The following MLLT3 variants were observed in gnomAD, a reference collection of about 807,000 sequenced individuals.
MLLT3 encodes the protein protein AF-9.
Under a neutral mutation model 53.2 loss-of-function variants are expected in MLLT3, and 4 were observed. The observed-to-expected ratio is 0.08, with a 90% CI of 0.04 to 0.17. The LOEUF is 0.17. Ranked by LOEUF, MLLT3 falls within the 10% of genes least tolerant of loss-of-function variation. The pLI is 1.00. For missense variants in MLLT3, 569 were observed against 684.0 expected (o/e 0.83, Z 1.87); for synonymous variants, 283 against 230.6 (o/e 1.23, Z -2.06).
rs563230125 is a variant in MLLT3 at position 20,499,657 on chromosome 9, A to G, written c.194-42871T>C. On this transcript the variant is annotated intron_variant, in intron 2 of 10. Transcript: ENST00000380338. Reference sequence around the variant, plus strand: ...AAATAGATGCATTCCTTGCAATACAATCAGCTCAGCTTAAGGGTCTACCCT... The same window carrying G: ...AAATAGATGCATTCCTTGCAATACAGTCAGCTCAGCTTAAGGGTCTACCCT... Among the ~76,000 whole-genome samples the G allele has an allele frequency of 7.9e-5, 12 of 152,344 alleles. No individual in the cohort carries two copies. In the East Asian group the frequency reaches 2.1e-3, roughly 27 times the overall value.
chr9:20,393,450 T>C (rs1822239775), intron 5 of MLLT3, among the ~76,000 whole-genome samples: 1 of 152,228 alleles, frequency 6.6e-6, no homozygotes, highest in Admixed American at 6.5e-5. Context: ...AAAGGCTAAA[T>C]GCTCACATTA....
chr9:20,504,963 G>T (rs1031884223), intron 2 of MLLT3, among the ~76,000 whole-genome samples: 2 of 152,002 alleles, frequency 1.3e-5, no homozygotes, highest in African/African-American at 4.8e-5. Context: ...TGACGGAAAG[G>T]AGCCCAAAAG....
At chr9:20,542,416 A>C (rs1410088469) in intron 2 of MLLT3, among the ~76,000 whole-genome samples, 1 of 151,856 alleles carries the variant, frequency 6.6e-6, no homozygotes. Flanking sequence ...GCGCCCGGCT[A>C]ATTTTTTGTA....
chr9:20,370,644 G>A (rs1340338383), intron 5 of MLLT3, among the ~76,000 whole-genome samples: 2 of 151,974 alleles, frequency 1.3e-5, no homozygotes, highest in African/African-American at 2.4e-5. Context: ...CCGAGTAGCT[G>A]GGATTACAGG....
At chr9:20,457,261 T>TTTC (rs1823994124) in intron 2 of MLLT3, among the ~76,000 whole-genome samples, 2 of 143,088 alleles carry the variant, frequency 1.4e-5, no homozygotes, top group African/African-American at 2.7e-5. Context: ...TTTTTTTTTT[T>TTTC]TTTTGAGACG....
At chr9:20,394,008 A>G (rs751274576) in intron 5 of MLLT3, among the ~76,000 whole-genome samples, 22 of 152,210 alleles carry the variant, frequency 1.4e-4, no homozygotes, top group African/African-American at 4.6e-4. Context: ...AGTCATTTTA[A>G]TTATCCTTCA....
intron 2 of MLLT3, among the ~76,000 whole-genome samples, chr9:20,516,528 C>A (rs1003054130): frequency 2.6e-5 from 4 of 152,194 alleles, no homozygotes; most frequent in Admixed American, 6.5e-5. Flanking sequence ...TATTAAATAA[C>A]TGTCATGCCA....
At chr9:20,592,950 A>AAGAG (rs1284367628) in intron 2 of MLLT3, among the ~76,000 whole-genome samples, 1 of 152,206 alleles carries the variant, frequency 6.6e-6, no homozygotes, top group Non-Finnish European at 1.5e-5. Context: ...GAAGCAATGA[A>AAGAG]AGAGAAGGCA....
intron 2 of MLLT3, among the ~76,000 whole-genome samples, chr9:20,591,348 A>G (rs1820124504): frequency 2.0e-5 from 3 of 152,200 alleles, no homozygotes; most frequent in Admixed American, 6.5e-5. Context: ...TTCCCAGTCA[A>G]TAGGTCTCAG....
chr9:20,573,858 T>A (rs927102988), intron 2 of MLLT3, among the ~76,000 whole-genome samples: 5 of 152,196 alleles, frequency 3.3e-5, no homozygotes, highest in Admixed American at 2.0e-4. Flanking sequence ...AATTTTTCCA[T>A]CTTACAGGTG....
intron 5 of MLLT3, among the ~76,000 whole-genome samples, chr9:20,412,830 C>T (rs905215372): frequency 1.3e-5 from 2 of 152,120 alleles, no homozygotes; most frequent in African/African-American, 4.8e-5. Context: ...TCTTCAAAAA[C>T]GTTATCAAAT....
chr9:20,415,935 C>T (rs1470991086), intron 4 of MLLT3, among the ~76,000 whole-genome samples: 2 of 151,358 alleles, frequency 1.3e-5, no homozygotes, highest in Non-Finnish European at 3.0e-5. Flanking sequence ...CAAAATTATT[C>T]CATTTATTTT....
At chr9:20,401,998 A>G (rs1394214641) in intron 5 of MLLT3, among the ~76,000 whole-genome samples, 1 of 152,170 alleles carries the variant, frequency 6.6e-6, no homozygotes, top group Non-Finnish European at 1.5e-5. Flanking sequence ...TAAAAAATAT[A>G]TTGGTAACAG....
chr9:20,417,030 C>G (rs897776078), intron 4 of MLLT3, among the ~76,000 whole-genome samples: 1 of 141,008 alleles, frequency 7.1e-6, no homozygotes, highest in African/African-American at 2.7e-5. Flanking sequence ...GCCTATCTAT[C>G]TGATACTTAT....
At chr9:20,351,430 T>C (rs1289677396) in intron 10 of MLLT3, among the ~76,000 whole-genome samples, 2 of 152,196 alleles carry the variant, frequency 1.3e-5, no homozygotes, top group Non-Finnish European at 2.9e-5. Flanking sequence ...GCAATCAAAT[T>C]ATTCATCAGT....
chr9:20,520,304 A>G (rs1374535534), intron 2 of MLLT3, among the ~76,000 whole-genome samples: 1 of 152,106 alleles, frequency 6.6e-6, no homozygotes, highest in Non-Finnish European at 1.5e-5. Context: ...CTATGACACA[A>G]GTTTACCTAC....
At chr9:20,444,848 G>C (rs995596678) in intron 4 of MLLT3, among the ~76,000 whole-genome samples, 2 of 151,968 alleles carry the variant, frequency 1.3e-5, no homozygotes, top group African/African-American at 4.8e-5. Flanking sequence ...CTCCAGCCTG[G>C]GTGACAGAGT....
intron 2 of MLLT3, among the ~76,000 whole-genome samples, chr9:20,580,506 T>C (rs1819764081): frequency 6.6e-6 from 1 of 152,178 alleles, no homozygotes; most frequent in African/African-American, 2.4e-5. Flanking sequence ...AACAAGTTCT[T>C]AGACTCTCTT....
intron 2 of MLLT3, among the ~76,000 whole-genome samples, chr9:20,533,817 A>T (rs992188848): frequency 1.9e-4 from 29 of 152,248 alleles, no homozygotes; most frequent in Non-Finnish European, 3.4e-4. Flanking sequence ...CAAACACTGC[A>T]TGATCCACAG....
Sources: allele counts gnomAD v4.1 joint callset (sites outside exome capture counted in the v4.1 genomes callset), GRCh38; gene constraint gnomAD v4.1.1; transcripts MANE v1.5; gene names NCBI Gene and HGNC (gene_info 2026-07-23, HGNC 2026-07-21).